MTARC1: variants seen among roughly 807,000 people sequenced by gnomAD.
The protein encoded by MTARC1 is mitochondrial amidoxime-reducing component 1.
MTARC1 carries 24 observed loss-of-function variants against 33.6 expected under a neutral mutation model. The observed-to-expected ratio is 0.72, with a 90% CI of 0.52 to 1.01. The LOEUF (loss-of-function observed/expected upper bound fraction) is 1.01, where lower values mean the gene tolerates loss of function less well. Ranked by LOEUF, MTARC1 falls within the 50% of genes least tolerant of loss-of-function variation. MTARC1 has a pLI of 0.00. For missense variants in MTARC1, 417 were observed against 445.7 expected, an observed-to-expected ratio of 0.94 and a Z score of 0.58; for synonymous variants, 187 against 189.5, an observed-to-expected ratio of 0.99 and a Z score of 0.11.
In MTARC1 at chr1:220,815,397, C is replaced by T. The variant is rs1398214065; in HGVS notation, c.*1979C>T. On this transcript the variant is annotated 3_prime_UTR_variant, in exon 7 of 7. Coordinates refer to ENST00000366910, the MANE Select transcript of MTARC1 (RefSeq NM_022746.4). ...AGAACTAACAGCCACTTCTCTGTGC[C>T]CCGTCCGGGCAGTAACCATCATTCT... 1 of 152,162 alleles carries T rather than the reference C, an allele frequency of 6.6e-6. No individual in the cohort carries two copies. The highest frequency in any genetic ancestry group is 1.5e-5 in the Non-Finnish European group (1 of 68,048). The allele number at this position is 152,162 out of a possible 1,614,324, so 9.4% of individuals were successfully genotyped here. A position where few individuals can be genotyped will look rare whatever the true frequency, so the allele number is the denominator to read the frequency against.
intron 4 of MTARC1, among the ~76,000 whole-genome samples, chr1:220,801,094 C>T (rs1181541181): frequency 6.6e-6 from 1 of 152,240 alleles, no homozygotes; most frequent in East Asian, 1.9e-4. Flanking sequence ...TGGTTCTCCA[C>T]CTTTCTTCAA....
chr1:220,805,660 G>A (rs1234173958), intron 6 of MTARC1, among the ~76,000 whole-genome samples: 1 of 152,282 alleles, frequency 6.6e-6, no homozygotes, highest in Non-Finnish European at 1.5e-5. Flanking sequence ...AAATATGTGT[G>A]TAGGAGTGAA....
intron 3 of MTARC1, 172 bp from the exon 4 acceptor site, chr1:220,797,702 T>G: frequency 1.6e-6 from 1 of 622,426 alleles, no homozygotes. Context: ...TCTGCAAGGC[T>G]ATTGAAAACT....
chr1:220,787,264 G>A (rs769874916), intron 1 of MTARC1, 45 bp downstream of exon 1: 21 of 1,523,232 alleles, frequency 1.4e-5, no homozygotes, highest in Non-Finnish European at 1.8e-5. Flanking sequence ...CCGGCTCGGG[G>A]CAAGGGGGTG....
intron 2 of MTARC1, chr1:220,794,313 C>G (rs1167904202): frequency 6.7e-6 from 1 of 149,544 alleles, no homozygotes; most frequent in Non-Finnish European, 1.5e-5. Flanking sequence ...AGACATCTAA[C>G]AAGGAGATGA....
chr1:220,809,744 A>G (rs1673071803), intron 6 of MTARC1, among the ~76,000 whole-genome samples: 1 of 152,222 alleles, frequency 6.6e-6, no homozygotes, highest in South Asian at 2.1e-4. Flanking sequence ...TCCTGACCTC[A>G]GGTGACGTGT....
intron 4 of MTARC1, among the ~76,000 whole-genome samples, chr1:220,800,963 C>T (rs912849954): frequency 6.6e-6 from 1 of 151,964 alleles, no homozygotes. Context: ...GCTTCACTGG[C>T]CTCCTTGCCC....
intron 6 of MTARC1, among the ~76,000 whole-genome samples, chr1:220,805,575 CA>C (rs1343543307): frequency 2.6e-5 from 4 of 151,906 alleles, no homozygotes; most frequent in African/African-American, 9.7e-5. Context: ...TAGATGATAC[CA>C]AAAAATGTAC....
intron 6 of MTARC1, among the ~76,000 whole-genome samples, chr1:220,812,794 C>T (rs536416429): frequency 6.6e-5 from 10 of 151,974 alleles, no homozygotes; most frequent in African/African-American, 1.2e-4. Flanking sequence ...GCACAATCTC[C>T]GCTCACTGCA....
chr1:220,791,654 C>T lies in MTARC1; in HGVS notation c.439C>T (p.His147Tyr), dbSNP rs1391807908. ...PIKTPTTNAV[H>Y]KCRVHGLEIE... ...CAAAACGCCCACCACAAATGCAGTG[C>T]ACAAGTGCAGGTAAGGAAAGGGCAG... The change falls in exon 2 of 7, where the codon CAC becomes TAC. Residue 147 changes from histidine (H) to tyrosine (Y), a missense_variant. Transcript: ENST00000366910. The T allele has an allele frequency of 6.2e-7, 1 of 1,614,066 alleles. No homozygotes were observed.
In MTARC1 at chr1:220,819,166, A is replaced by C; in HGVS notation, c.*5748A>C. The C allele has an allele frequency of 6.6e-6, 1 of 152,244 alleles. No individual in the cohort carries two copies. The highest frequency in any genetic ancestry group is 1.9e-4 in the East Asian group (1 of 5,196). The allele number at this position is 152,244 out of a possible 1,614,324, so 9.4% of individuals were successfully genotyped here. A position where few individuals can be genotyped will look rare whatever the true frequency, so the allele number is the denominator to read the frequency against. On this transcript the variant is annotated 3_prime_UTR_variant, in exon 7 of 7. Transcript: ENST00000366910. Reference sequence around the variant, plus strand: ...CCATTAGGCTCAATTGCTTTAAAAAATGATGTGTGCATACTTTAGGAACGT... The same window carrying C: ...CCATTAGGCTCAATTGCTTTAAAAACTGATGTGTGCATACTTTAGGAACGT...
At chr1:220,808,975 A>C in intron 6 of MTARC1, 1 of 446,066 alleles carries the variant, frequency 2.2e-6, no homozygotes. Context: ...CTGCATGGGT[A>C]CTCAAAAAAA....
intron 6 of MTARC1, among the ~76,000 whole-genome samples, chr1:220,810,060 T>C (rs17649913): frequency 0.17 from 25,586 of 152,132 alleles, 2,483 homozygotes; most frequent in Non-Finnish European, 0.21. Flanking sequence ...GAGACCTCGG[T>C]TTTAAGCTAA....
rs766560928 is a variant in MTARC1 at position 220,806,676 on chromosome 1, G to A, written c.887+1402G>A. On this transcript the variant is annotated intron_variant, in intron 6 of 6. Transcript: ENST00000366910. Reference sequence around the variant, plus strand: ...CATCTCTGGGCAAGCTGAAGCCCTGGGCTGGAGGGCTGTCATCCCCGCTGT... The same window carrying A: ...CATCTCTGGGCAAGCTGAAGCCCTGAGCTGGAGGGCTGTCATCCCCGCTGT... 1.8e-4 allele frequency among the ~76,000 whole-genome samples: 27 copies of A among 152,204 alleles called. 1 individual carries two copies. The highest frequency in any genetic ancestry group is 2.1e-4 in the South Asian group (1 of 4,838).
At chr1:220,789,402 A>G (rs999973364) in intron 1 of MTARC1, among the ~76,000 whole-genome samples, 3 of 152,178 alleles carry the variant, frequency 2.0e-5, no homozygotes, top group Non-Finnish European at 2.9e-5. Flanking sequence ...TGGGCCACAC[A>G]TAAAATACAC....
intron 6 of MTARC1, chr1:220,808,869 G>A (rs562765407): frequency 3.7e-4 from 175 of 471,078 alleles, no homozygotes; most frequent in African/African-American, 2.3e-3. Context: ...GGAAAGTGAC[G>A]TACACACTGA....
Position 220,816,437 on chromosome 1 carries a change from T to A in MTARC1, c.*3019T>A, listed in dbSNP as rs1197378404. 1.3e-5 allele frequency: 2 copies of A among 152,222 alleles called. No individual in the cohort carries two copies. Among genetic ancestry groups the A allele is most frequent in the Non-Finnish European group, 2.9e-5 (2 of 68,032 alleles). The allele number at this position is 152,222 out of a possible 1,614,324, so 9.4% of individuals were successfully genotyped here. Reference sequence around the variant, plus strand: ...TAACACTGCATTTCCCGTGTTTTATTGGTCCATGGAATTCTGAAAGTTTGC... The same window carrying A: ...TAACACTGCATTTCCCGTGTTTTATAGGTCCATGGAATTCTGAAAGTTTGC... On this transcript the variant is annotated 3_prime_UTR_variant, in exon 7 of 7. Coordinates refer to ENST00000366910, the MANE Select transcript of MTARC1 (RefSeq NM_022746.4).
At chr1:220,798,631 C>T (rs942018312) in intron 4 of MTARC1, 1 of 953,846 alleles carries the variant, frequency 1.0e-6, no homozygotes. Flanking sequence ...TAACTTGATT[C>T]TCTCCCTGGG....
intron 1 of MTARC1, chr1:220,791,222 A>G (rs1213419949): frequency 7.1e-6 from 2 of 282,616 alleles, no homozygotes; most frequent in African/African-American, 4.3e-5. Flanking sequence ...TATAATTAAC[A>G]TCTTTGATTT....
Sources: allele counts gnomAD v4.1 joint callset (sites outside exome capture counted in the v4.1 genomes callset), GRCh38; gene constraint gnomAD v4.1.1; transcripts MANE v1.5; gene names NCBI Gene and HGNC (gene_info 2026-07-23, HGNC 2026-07-21).